The following CSNK1A1 variants were observed in gnomAD, a reference collection of about 807,000 sequenced individuals.
CSNK1A1 encodes the protein casein kinase 1 alpha 1, also known as casein kinase I isoform alpha.
A neutral mutation model predicts 46.1 loss-of-function variants in CSNK1A1; 7 were observed. The observed-to-expected ratio is 0.15, with a 90% CI of 0.09 to 0.29. The LOEUF is 0.29. CSNK1A1 is among the 10% of genes least tolerant of loss of function. The pLI is 1.00. For missense variants in CSNK1A1, 96 were observed against 417.1 expected (o/e 0.23, Z 6.71); for synonymous variants, 137 against 141.5 (o/e 0.97, Z 0.23).
At position 149,494,443 on chromosome 5, in the gene CSNK1A1, C is replaced by G. The variant is rs557829458; in HGVS notation, c.*2410G>C. The stretch of plus-strand genomic sequence containing the variant: ...CAACATTTTAAAAAAACTGCACCCC[C>G]CAATGGGTGAACAAAGTAAAGAGTA... On this transcript the variant is annotated 3_prime_UTR_variant, in exon 10 of 10. Transcript: ENST00000377843. The G allele has an allele frequency of 3.4e-4, 52 of 152,308 alleles. No individual in the cohort carries two copies. Among genetic ancestry groups the G allele is most frequent in the Middle Eastern group, 3.4e-3 (1 of 294 alleles). The allele number at this position is 152,308 out of a possible 1,614,324, so 9.4% of individuals were successfully genotyped here. A position where few individuals can be genotyped will look rare whatever the true frequency, so the allele number is the denominator to read the frequency against.
chr5:149,523,500 A>G (rs1761637660), intron 3 of CSNK1A1, among the ~76,000 whole-genome samples: 1 of 152,260 alleles, frequency 6.6e-6, no homozygotes, highest in African/African-American at 2.4e-5. Context: ...GGCGTGAGCC[A>G]GTGTGCCGCG....
intron 9 of CSNK1A1, chr5:149,504,399 G>C: frequency 5.1e-6 from 5 of 980,716 alleles, no homozygotes; most frequent in Non-Finnish European, 6.1e-6. Context: ...GTGAAGCAAA[G>C]ATTAATCTAT....
chr5:149,550,806 C>T lies in CSNK1A1; in HGVS notation c.123+36G>A, dbSNP rs778063015. Reference sequence around the variant, plus strand: ...TGGTGGTGGGGGGAATGAGTAAAAGCGCAGCGTTATCGTGAACCCCACCCC... The same window carrying T: ...TGGTGGTGGGGGGAATGAGTAAAAGTGCAGCGTTATCGTGAACCCCACCCC... On this transcript the variant is annotated intron_variant, in intron 1 of 9. Coordinates refer to ENST00000377843, the MANE Select transcript of CSNK1A1 (RefSeq NM_001892.6). The surrounding 1 kb of genome is among the most constrained non-coding windows in gnomAD (Gnocchi z 4.3). 1.9e-6 allele frequency: 3 copies of T among 1,613,160 alleles called. No homozygotes were observed. The highest frequency in any genetic ancestry group is 1.1e-5 in the South Asian group (1 of 91,042).
chr5:149,551,100 T>C lies in CSNK1A1; in HGVS notation c.-136A>G. 1 of 919,102 alleles carries C rather than the reference T, an allele frequency of 1.1e-6. No individual in the cohort carries two copies. The highest frequency in any genetic ancestry group is 1.6e-6 in the Non-Finnish European group (1 of 606,620). 56.9% of individuals were successfully genotyped at this position (919,102 alleles called of 1,614,324 possible). ...CGGAACACGGAGGCCTTTACCGGGG[T>C]TCGGGGCCCAGAATCAGCAGAGGGG... On this transcript the variant is annotated 5_prime_UTR_variant, in exon 1 of 10. Transcript: ENST00000377843.
At chr5:149,542,670 A>G (rs1158418953) in intron 2 of CSNK1A1, among the ~76,000 whole-genome samples, 97 of 9,066 alleles carry the variant, frequency 0.011, 13 homozygotes, top group African/African-American at 0.046. Context: ...ATATATATAT[A>G]TGTATATATA....
intron 2 of CSNK1A1, among the ~76,000 whole-genome samples, chr5:149,539,785 T>G (rs1293470097): frequency 6.6e-6 from 1 of 152,106 alleles, no homozygotes; most frequent in Non-Finnish European, 1.5e-5. Flanking sequence ...CTGGTAGAGC[T>G]GAAAGATGCA....
Position 149,542,612 on chromosome 5 carries a change from A to T in CSNK1A1, c.230+7463T>A, listed in dbSNP as rs192072277. Among the ~76,000 whole-genome samples, 10 of 11,492 alleles carry T rather than the reference A, an allele frequency of 8.7e-4. 1 individual carries two copies. The East Asian group carries it at 0.021, about 24-fold the overall frequency. 7.5% of individuals were successfully genotyped at this position (11,492 alleles called of 152,430 possible). On this transcript the variant is annotated intron_variant, in intron 2 of 9. Coordinates refer to ENST00000377843, the MANE Select transcript of CSNK1A1 (RefSeq NM_001892.6). ...CAAATTTATATATATATATATATAT[A>T]TATATATATATATATATATATATAT...
chr5:149,520,615 C>T (rs1761538175), intron 3 of CSNK1A1, among the ~76,000 whole-genome samples: 1 of 152,132 alleles, frequency 6.6e-6, no homozygotes, highest in African/African-American at 2.4e-5. Context: ...TAATTAAAAC[C>T]ATGGCAGGGT....
At chr5:149,526,672 C>G (rs1369364579) in intron 2 of CSNK1A1, among the ~76,000 whole-genome samples, 1 of 152,102 alleles carries the variant, frequency 6.6e-6, no homozygotes, top group Non-Finnish European at 1.5e-5. Flanking sequence ...ACTCTTGTGG[C>G]TCTTCTTTAA....
At chr5:149,498,171 G>C in intron 9 of CSNK1A1, 1 of 985,230 alleles carries the variant, frequency 1.0e-6, no homozygotes, top group Non-Finnish European at 1.2e-6. Flanking sequence ...ATCTCCCATG[G>C]GCTTTGTGGG....
chr5:149,530,821 CTGGGCATGGTGG>C (rs926773272), intron 2 of CSNK1A1, among the ~76,000 whole-genome samples: 7 of 151,904 alleles, frequency 4.6e-5, no homozygotes, highest in African/African-American at 1.7e-4. Context: ...CAAAAATTAG[CTGGGCATGGTGG>C]TGGGCGCCTA....
intron 3 of CSNK1A1, among the ~76,000 whole-genome samples, chr5:149,521,398 T>A (rs1458431610): frequency 6.6e-6 from 1 of 151,196 alleles, no homozygotes; most frequent in Non-Finnish European, 1.5e-5. Flanking sequence ...CCCTCTGGAG[T>A]AGCTGAAACT....
chr5:149,534,769 G>A lies in CSNK1A1; in HGVS notation c.231-9598C>T, dbSNP rs111451064. ...CCAACAAAGACCCCGGTCTCTCTAT[G>A]AAAAATAAAAAATTAGCCAGGCGTG... is the stretch of plus-strand genomic sequence containing the variant. On this transcript the variant is annotated intron_variant, in intron 2 of 9. Coordinates refer to ENST00000377843, the MANE Select transcript of CSNK1A1 (RefSeq NM_001892.6). Among the ~76,000 whole-genome samples the A allele has an allele frequency of 1.0e-3, 151 of 150,178 alleles. 2 individuals carry two copies. The highest frequency in any genetic ancestry group is 3.4e-3 in the African/African-American group (141 of 40,896).
In CSNK1A1 at chr5:149,507,039, C is replaced by T; in HGVS notation, c.845G>A (p.Arg282His). Residue 282 changes from arginine (R) to histidine (H), a missense_variant, in exon 8 of 10, where the codon CGC becomes CAC. Arg to His is a conservative substitution (Grantham distance 29). Transcript: ENST00000377843. ...CTTAAAAACTGACCTGAAAAGAATG[C>T]GGAATAGCTGCCTCAGATACATGTA... Reference protein sequence around the residue: ...PDYMYLRQLFRILFRTLNHQY... With the variant: ...PDYMYLRQLFHILFRTLNHQY... 6.2e-7 allele frequency: 1 copy of T among 1,611,412 alleles called. No individual in the cohort carries two copies. Among genetic ancestry groups the T allele is most frequent in the Admixed American group, 1.7e-5 (1 of 59,602 alleles).
intron 2 of CSNK1A1, chr5:149,545,451 C>G: frequency 1.9e-6 from 1 of 526,072 alleles, no homozygotes. Context: ...GAAGCTGGAG[C>G]TGCAGCCTGG....
intron 2 of CSNK1A1, among the ~76,000 whole-genome samples, chr5:149,548,164 C>A (rs1015567966): frequency 5.9e-5 from 9 of 152,152 alleles, no homozygotes; most frequent in African/African-American, 2.2e-4. Context: ...AGCCACCACG[C>A]CTGGCTGGAA....
intron 2 of CSNK1A1, among the ~76,000 whole-genome samples, chr5:149,528,098 T>C (rs932472112): frequency 6.6e-6 from 1 of 152,222 alleles, no homozygotes; most frequent in Non-Finnish European, 1.5e-5. Flanking sequence ...CATGTAAGCC[T>C]CTAACTCCCT....
rs370326610 is a variant in CSNK1A1 at position 149,507,143 on chromosome 5, C to T, written c.751-10G>A. On this transcript the variant is annotated splice_polypyrimidine_tract_variant and intron_variant, in intron 7 of 9. Transcript: ENST00000377843. ...ATTCTGCAGGAAACCCCTATAGGTTCAAGGGTTAAAACAAAGTTAAAAACA... is the reference window on the plus strand; with the variant it reads ...ATTCTGCAGGAAACCCCTATAGGTTTAAGGGTTAAAACAAAGTTAAAAACA... 6.3e-7 allele frequency: 1 copy of T among 1,589,524 alleles called. No homozygotes were observed. The highest frequency in any genetic ancestry group is 8.6e-7 in the Non-Finnish European group (1 of 1,163,036).
At chr5:149,544,914 T>C (rs535189014) in intron 2 of CSNK1A1, among the ~76,000 whole-genome samples, 2 of 150,820 alleles carry the variant, frequency 1.3e-5, no homozygotes, top group South Asian at 4.2e-4. Context: ...GGTGGGTGGA[T>C]CATCTGAGGT....
Sources: gnomAD v4.1 joint callset for allele counts (sites outside exome capture counted in the v4.1 genomes callset) on GRCh38, gnomAD v4.1.1 for gene constraint, Gnocchi (gnomAD v3.1) non-coding constraint, MANE v1.5 for transcripts, NCBI Gene and HGNC (gene_info 2026-07-23, HGNC 2026-07-21) for gene names.